The following GPRC5C variants were observed in gnomAD, a reference collection of about 807,000 sequenced individuals.
GPRC5C encodes the protein G protein-coupled receptor family C group 5 member C.
A neutral mutation model predicts 31.4 loss-of-function variants in GPRC5C; 22 were observed. The ratio of observed to expected loss-of-function variants is 0.70; its 90% CI spans 0.50 to 1.00. GPRC5C has a LOEUF of 1.00. Among genes scored for constraint, GPRC5C ranks in the 50% least tolerant of loss-of-function variants. The pLI, the probability that GPRC5C is intolerant of heterozygous loss-of-function variation, is 0.00. For synonymous variants in GPRC5C, 249 were observed against 257.5 expected (o/e 0.97, Z 0.32); for missense variants, 557 against 597.2 (o/e 0.93, Z 0.70).
chr17:74,447,490 C>A, downstream of GPRC5C: 1 of 327,980 alleles, frequency 3.0e-6, no homozygotes, highest in Non-Finnish European at 4.4e-6. Flanking sequence ...ACGTCTCCTC[C>A]ACCATGGCCT....
rs569812440 is a variant in GPRC5C at position 74,436,543 on chromosome 17, T to C, written c.-32-3202T>C. Reference sequence around the variant, plus strand: ...TCCTTGTGTAATTTTTGTGAGTACCTACCTTATCTCTCTTGATAGATTTTA... The same window carrying C: ...TCCTTGTGTAATTTTTGTGAGTACCCACCTTATCTCTCTTGATAGATTTTA... On this transcript the variant is annotated intron_variant, in intron 1 of 3. Transcript: ENST00000392627. Among the ~76,000 whole-genome samples the C allele has an allele frequency of 3.0e-4, 45 of 152,346 alleles. No individual in the cohort carries two copies. In the South Asian group the frequency reaches 5.6e-3, roughly 19 times the overall value.
At chr17:74,443,188 C>T (rs1421573487) in intron 2 of GPRC5C, 1 of 194,228 alleles carries the variant, frequency 5.1e-6, no homozygotes, top group East Asian at 1.8e-4. Context: ...GGGCGGAACA[C>T]ACCGGGAAAC....
At chr17:74,439,606 G>C (rs1372084093) in intron 1 of GPRC5C, 139 bp from the exon 2 acceptor site, 1 of 768,378 alleles carries the variant, frequency 1.3e-6, no homozygotes, top group Non-Finnish European at 2.1e-6. Flanking sequence ...TCTATGTTAA[G>C]AAGGATTCTG....
rs141118903 is a variant in GPRC5C, at chr17:74,440,603, A to T, written c.827A>T (p.Asp276Val). The change falls in exon 2 of 4, where the codon GAT (aspartate) becomes GTT (valine). Residue 276 changes from aspartate to valine, a missense_variant. Coordinates refer to ENST00000392627, the MANE Select transcript of GPRC5C (RefSeq NM_022036.4). The surrounding 1 kb of genome is among the most constrained non-coding windows in gnomAD (Gnocchi z 4.4). ...AAGCAGCACAACAGTCCCACCTGGG[A>T]TGACCCCACGCTGGCCATCGCCCTC... Reference protein sequence around the residue: ...GNKQHNSPTWDDPTLAIALAA... With the variant: ...GNKQHNSPTWVDPTLAIALAA... 1 of 1,612,804 alleles carries T rather than the reference A, an allele frequency of 6.2e-7. No individual in the cohort carries two copies. The highest frequency in any genetic ancestry group is 8.5e-7 in the Non-Finnish European group (1 of 1,178,978).
Position 74,440,693 on chromosome 17 carries a change from C to G in GPRC5C, c.917C>G (p.Ser306Cys). The G allele has an allele frequency of 6.2e-7, 1 of 1,608,736 alleles. No homozygotes were observed. The highest frequency in any genetic ancestry group is 8.5e-7 in the Non-Finnish European group (1 of 1,175,738). Residue 306 changes from serine (S) to cysteine (C), a missense_variant, in exon 2 of 4, where the codon TCC (serine) becomes TGC (cysteine). By Grantham distance (112) the Ser-to-Cys change is moderately radical. Coordinates refer to ENST00000392627, the MANE Select transcript of GPRC5C (RefSeq NM_022036.4). This position sits in a 1 kb window ranked among gnomAD's most constrained non-coding sequence, Gnocchi z 4.4. The stretch of plus-strand genomic sequence containing the variant: ...CCCGAGGTCTCCCAGGTGACCAAGT[C>G]CAGCCCAGAGCAAAGCTACCAGGGG... Reference protein sequence around the residue: ...VIPEVSQVTKSSPEQSYQGDM... With the variant: ...VIPEVSQVTKCSPEQSYQGDM...
At position 74,438,206 on chromosome 17, in the gene GPRC5C, CATATATATATATATATATATATAT is replaced by C. The variant is rs71157066; in HGVS notation, c.-32-1516_-32-1493del. Among the ~76,000 whole-genome samples, 34 of 45,272 alleles carry C rather than the reference CATATATATATATATATATATATAT, an allele frequency of 7.5e-4. 1 individual carries two copies. Among genetic ancestry groups the C allele is most frequent in the Admixed American group, 1.2e-3 (4 of 3,446 alleles). 29.7% of individuals were successfully genotyped at this position (45,272 alleles called of 152,430 possible). A position where few individuals can be genotyped will look rare whatever the true frequency, so the allele number is the denominator to read the frequency against. On this transcript the variant is annotated intron_variant, in intron 1 of 3. Coordinates refer to ENST00000392627, the MANE Select transcript of GPRC5C (RefSeq NM_022036.4). ...CATGCCACCACACTCTCTGCTAATT[CATATATATATATATATATATATAT>C]ATATATATATATATATATATATTTG...
chr17:74,438,751 T>C (rs1471508231), intron 1 of GPRC5C, among the ~76,000 whole-genome samples: 2 of 152,204 alleles, frequency 1.3e-5, no homozygotes, highest in East Asian at 3.8e-4. Context: ...AAACTTTTGA[T>C]TGGAAAAAAA....
intron 1 of GPRC5C, among the ~76,000 whole-genome samples, chr17:74,438,169 A>T (rs1408641598): frequency 1.4e-5 from 2 of 141,632 alleles, no homozygotes; most frequent in African/African-American, 2.7e-5. Context: ...CAAGTAGCTC[A>T]GACTACAGGT....
chr17:74,435,163 G>A (rs1475142431), intron 1 of GPRC5C, among the ~76,000 whole-genome samples: 2 of 152,190 alleles, frequency 1.3e-5, no homozygotes, highest in Non-Finnish European at 2.9e-5. Context: ...AGCTTGCAGT[G>A]AGCCGAGATC....
chr17:74,441,912 A>G (rs2055547374), intron 2 of GPRC5C, among the ~76,000 whole-genome samples: 6 of 152,208 alleles, frequency 3.9e-5, no homozygotes, highest in Admixed American at 3.9e-4. Flanking sequence ...TTTTACTAAT[A>G]CTATCCTTCC....
chr17:74,447,317 A>G lies in GPRC5C; in HGVS notation c.*289A>G, dbSNP rs2055657222. On this transcript the variant is annotated 3_prime_UTR_variant, in exon 4 of 4. Coordinates refer to ENST00000392627, the MANE Select transcript of GPRC5C (RefSeq NM_022036.4). ...TCGGGGTGGTGGCTGGGCAGCGCCT[A>G]TGTTTCTCTGGAGATTCCTGCAACC... 5 of 1,156,720 alleles carry G rather than the reference A, an allele frequency of 4.3e-6. No homozygotes were observed. The highest frequency in any genetic ancestry group is 5.3e-6 in the Non-Finnish European group (5 of 936,804). 71.7% of individuals were successfully genotyped at this position (1,156,720 alleles called of 1,614,324 possible).
chr17:74,434,288 G>A (rs2055400561), intron 1 of GPRC5C, among the ~76,000 whole-genome samples: 2 of 152,166 alleles, frequency 1.3e-5, no homozygotes, highest in South Asian at 4.1e-4. Context: ...AACCCTCTGA[G>A]AATCTTTAAG....
chr17:74,446,489 G>T, intron 3 of GPRC5C: 1 of 197,690 alleles, frequency 5.1e-6, no homozygotes, highest in Non-Finnish European at 1.0e-5. Flanking sequence ...AAGGGGGCCT[G>T]GGAGCTATGT....
intron 1 of GPRC5C, among the ~76,000 whole-genome samples, chr17:74,437,107 CTAATT>C (rs1480734836): frequency 2.6e-5 from 4 of 152,154 alleles, no homozygotes; most frequent in African/African-American, 4.8e-5. Context: ...CCACACCTGG[CTAATT>C]TTTGTATTTT....
chr17:74,435,103 C>T (rs891485850), intron 1 of GPRC5C, among the ~76,000 whole-genome samples: 7 of 152,058 alleles, frequency 4.6e-5, no homozygotes, highest in African/African-American at 1.2e-4. Context: ...CCTGTAGTCC[C>T]AGCTACTCGG....
chr17:74,447,113 TC>T lies in GPRC5C; in HGVS notation c.*90del, dbSNP rs2055652597. On this transcript the variant is annotated 3_prime_UTR_variant, in exon 4 of 4. Transcript: ENST00000392627. Reference sequence around the variant, plus strand: ...GGCAAGGGACTCTCCAGGCTCCTCCTCCCCCTGGCAGGCCCAGCAACATGTG... The same window carrying T: ...GGCAAGGGACTCTCCAGGCTCCTCCTCCCCTGGCAGGCCCAGCAACATGTG... 3.3e-6 allele frequency: 5 copies of T among 1,510,858 alleles called. No individual in the cohort carries two copies. The South Asian group carries it at 6.6e-5, about 20-fold the overall frequency. 93.6% of individuals were successfully genotyped at this position (1,510,858 alleles called of 1,614,324 possible).
Position 74,447,040 on chromosome 17 carries a change from C to A in GPRC5C, c.*12C>A. 6.2e-7 allele frequency: 1 copy of A among 1,602,114 alleles called. No homozygotes were observed. The highest frequency in any genetic ancestry group is 8.5e-7 in the Non-Finnish European group (1 of 1,170,560). On this transcript the variant is annotated 3_prime_UTR_variant, in exon 4 of 4. Transcript: ENST00000392627. Reference sequence around the variant, plus strand: ...ACGTGTGGGACTGAGTCAGCGGTGGCGAGGAGAGGCGGGCGGATTTGGGGA... The same window carrying A: ...ACGTGTGGGACTGAGTCAGCGGTGGAGAGGAGAGGCGGGCGGATTTGGGGA...
At position 74,432,155 on chromosome 17, in the gene GPRC5C, G is replaced by A. The variant is rs1205313171; in HGVS notation, c.-33+14G>A. 4.4e-6 allele frequency: 7 copies of A among 1,607,982 alleles called. No individual in the cohort carries two copies. In the South Asian group the frequency reaches 4.4e-5, roughly 10 times the overall value. Reference sequence around the variant, plus strand: ...CTCAGCCTGGAGGTGAGTCGGGGCGGGGAGGGCCGGGCAGGCTTTGTTCCT... The same window carrying A: ...CTCAGCCTGGAGGTGAGTCGGGGCGAGGAGGGCCGGGCAGGCTTTGTTCCT... On this transcript the variant is annotated intron_variant, in intron 1 of 3. Transcript: ENST00000392627.
rs2055648780 is a variant in GPRC5C at position 74,446,975 on chromosome 17, C to CCGAAAGA, written c.1276_1282dup (p.Gly428GlufsTer10). On this transcript the variant is annotated frameshift_variant, in exon 4 of 4. Transcript: ENST00000392627. LOFTEE classifies it high-confidence loss of function. The stretch of plus-strand genomic sequence containing the variant: ...CCAGAGCCACCAGGCGGCCACACCG[C>CCGAAAGA]CGAAAGACGGCAAGAACTCTCAGGT... 1 of 1,614,078 alleles carries CCGAAAGA rather than the reference C, an allele frequency of 6.2e-7. No homozygotes were observed.
Sources: gnomAD v4.1 joint callset for allele counts (sites outside exome capture counted in the v4.1 genomes callset) on GRCh38, gnomAD v4.1.1 for gene constraint, Gnocchi (gnomAD v3.1) non-coding constraint, MANE v1.5 for transcripts, NCBI Gene and HGNC (gene_info 2026-07-23, HGNC 2026-07-21) for gene names.